The following EXT1 variants were observed in gnomAD, a reference collection of about 807,000 sequenced individuals.
EXT1 encodes exostosin-1.
Under a neutral mutation model 82.5 loss-of-function variants are expected in EXT1, and 20 were observed. The observed-to-expected ratio is 0.24, with a 90% confidence interval of 0.17 to 0.35. The LOEUF (loss-of-function observed/expected upper bound fraction) is 0.35, where lower values mean the gene tolerates loss of function less well. EXT1 is among the 10% of genes least tolerant of loss of function. The probability of loss-of-function intolerance (pLI) is 1.00; values close to 1 mark genes in which losing one functional copy is unlikely to be tolerated. For missense variants in EXT1, 757 were observed against 936.5 expected, an observed-to-expected ratio of 0.81 and a Z score of 2.50; for synonymous variants, 348 against 350.8, an observed-to-expected ratio of 0.99 and a Z score of 0.09.
At chr8:118,005,740 T>C (rs1156762348) in intron 1 of EXT1, among the ~76,000 whole-genome samples, 1 of 152,206 alleles carries the variant, frequency 6.6e-6, no homozygotes, top group Non-Finnish European at 1.5e-5. Context: ...CTACGTCACA[T>C]GTAGGTGAAG....
chr8:117,985,052 G>GA (rs1815289413), intron 1 of EXT1, among the ~76,000 whole-genome samples: 1 of 152,124 alleles, frequency 6.6e-6, no homozygotes, highest in Admixed American at 6.5e-5. Context: ...GGCTGCTTAA[G>GA]AGAAAGAGTT....
intron 1 of EXT1, among the ~76,000 whole-genome samples, chr8:118,052,301 T>C (rs1331241154): frequency 2.6e-5 from 4 of 152,264 alleles, no homozygotes. Context: ...CATAATATAG[T>C]TGGATTTTTA....
At chr8:117,887,054 T>C (rs550897607) in intron 1 of EXT1, among the ~76,000 whole-genome samples, 12 of 152,228 alleles carry the variant, frequency 7.9e-5, no homozygotes, top group Admixed American at 2.0e-4. Context: ...AGGCATGCCA[T>C]TGACGATATA....
intron 1 of EXT1, among the ~76,000 whole-genome samples, chr8:118,067,206 A>G (rs1817004184): frequency 6.6e-6 from 1 of 152,250 alleles, no homozygotes; most frequent in African/African-American, 2.4e-5. Context: ...GAATATTGTC[A>G]TCTTGGGGCA....
chr8:117,958,943 C>T (rs1232586739), intron 1 of EXT1, among the ~76,000 whole-genome samples: 1 of 152,192 alleles, frequency 6.6e-6, no homozygotes. Flanking sequence ...AATCTCCTTT[C>T]TGAGGCTACT....
intron 7 of EXT1, among the ~76,000 whole-genome samples, chr8:117,816,104 G>A (rs960308762): frequency 6.6e-6 from 1 of 151,864 alleles, no homozygotes; most frequent in African/African-American, 2.4e-5. Flanking sequence ...TCCACAGTGC[G>A]CCCACACTTC....
rs58814828 is a variant in EXT1, at chr8:117,880,594, C to CTT, written c.963-43395_963-43394dup. 6.1e-4 allele frequency among the ~76,000 whole-genome samples: 87 copies of CTT among 142,536 alleles called. 1 individual carries two copies. The highest frequency in any genetic ancestry group is 8.1e-4 in the East Asian group (4 of 4,954). The allele number at this position is 142,536 out of a possible 152,430, so 93.5% of individuals were successfully genotyped here. On this transcript the variant is annotated intron_variant, in intron 1 of 10. Transcript: ENST00000378204. ...TATTGCTATGTTTTGCCTCTTTTTT[C>CTT]TTTTTTTTTTTTTTGAGACAGAGTG...
chr8:117,802,676 A>G (rs1823185731), intron 10 of EXT1, among the ~76,000 whole-genome samples: 1 of 152,234 alleles, frequency 6.6e-6, no homozygotes, highest in Admixed American at 6.5e-5. Context: ...TTAAGAGATA[A>G]ATAAAAAATA....
intron 1 of EXT1, among the ~76,000 whole-genome samples, chr8:117,865,716 C>T (rs1197949814): frequency 1.3e-5 from 2 of 152,180 alleles, no homozygotes; most frequent in Admixed American, 6.5e-5. Flanking sequence ...GATGATGGCA[C>T]TAATCGTATA....
At chr8:118,028,592 G>C (rs561316043) in intron 1 of EXT1, among the ~76,000 whole-genome samples, 1 of 151,782 alleles carries the variant, frequency 6.6e-6, no homozygotes, top group South Asian at 2.1e-4. Flanking sequence ...TATATGAGTA[G>C]TTGACAAATG....
At chr8:117,963,360 C>A (rs1814740970) in intron 1 of EXT1, among the ~76,000 whole-genome samples, 1 of 152,152 alleles carries the variant, frequency 6.6e-6, no homozygotes, top group South Asian at 2.1e-4. Flanking sequence ...CACCACTGGA[C>A]TCTCTCTCCT....
At chr8:117,906,070 A>T (rs756100879) in intron 1 of EXT1, among the ~76,000 whole-genome samples, 2 of 152,100 alleles carry the variant, frequency 1.3e-5, no homozygotes, top group Non-Finnish European at 2.9e-5. Context: ...CTGCTTCCTC[A>T]TTCTTTAGTA....
intron 1 of EXT1, among the ~76,000 whole-genome samples, chr8:117,993,024 C>G (rs1472006549): frequency 1.3e-5 from 2 of 152,164 alleles, no homozygotes; most frequent in Non-Finnish European, 2.9e-5. Flanking sequence ...GAGTTCAGAA[C>G]CCAAATTACA....
At chr8:117,982,109 C>G (rs1007712483) in intron 1 of EXT1, among the ~76,000 whole-genome samples, 1 of 152,170 alleles carries the variant, frequency 6.6e-6, no homozygotes, top group Non-Finnish European at 1.5e-5. Flanking sequence ...CTGTAGGTCA[C>G]AAGTCTGGGG....
chr8:117,948,487 G>A (rs987421228), intron 1 of EXT1, among the ~76,000 whole-genome samples: 1 of 152,122 alleles, frequency 6.6e-6, no homozygotes, highest in Non-Finnish European at 1.5e-5. Context: ...AGAACGTTCT[G>A]GACCTATTTC....
At chr8:117,801,921 A>T (rs537843854) in intron 10 of EXT1, among the ~76,000 whole-genome samples, 21 of 152,276 alleles carry the variant, frequency 1.4e-4, no homozygotes, top group Non-Finnish European at 2.2e-4. Flanking sequence ...TATTCAAAAA[A>T]TTTTTTTTAA....
intron 6 of EXT1, among the ~76,000 whole-genome samples, chr8:117,819,018 T>C (rs1215949873): frequency 6.6e-6 from 1 of 152,250 alleles, no homozygotes; most frequent in Non-Finnish European, 1.5e-5. Context: ...ATGTTTTGCA[T>C]GCTCTAGAAT....
intron 1 of EXT1, among the ~76,000 whole-genome samples, chr8:118,027,313 TCACACACACACACACACA>T (rs71307421): frequency 2.2e-4 from 32 of 145,520 alleles, no homozygotes; most frequent in Non-Finnish European, 4.1e-4. Flanking sequence ...TCAGTTTCTT[TCACACACACACACACACA>T]CACACACACA....
intron 1 of EXT1, among the ~76,000 whole-genome samples, chr8:117,868,616 A>G (rs1812814436): frequency 6.6e-6 from 1 of 151,756 alleles, no homozygotes; most frequent in Non-Finnish European, 1.5e-5. Flanking sequence ...ATGCCTGGCT[A>G]CTTTTTTATT....
Sources: gnomAD v4.1 joint callset for allele counts (sites outside exome capture counted in the v4.1 genomes callset) on GRCh38, gnomAD v4.1.1 for gene constraint, MANE v1.5 for transcripts, NCBI Gene and HGNC (gene_info 2026-07-23, HGNC 2026-07-21) for gene names.